N4BP2: variants seen among roughly 807,000 people sequenced by gnomAD.
The protein encoded by N4BP2 is NEDD4-binding protein 2.
A neutral mutation model predicts 152.8 loss-of-function variants in N4BP2; 91 were observed. That is an observed-to-expected ratio of 0.60 (90% CI 0.50 to 0.71). The LOEUF is 0.71. N4BP2 is among the 30% of genes least tolerant of loss of function. The probability of loss-of-function intolerance (pLI) is 0.00; values close to 1 mark genes in which losing one functional copy is unlikely to be tolerated. For synonymous variants in N4BP2, 646 were observed against 705.3 expected, an observed-to-expected ratio of 0.92 and a Z score of 1.33; for missense variants, 1,923 against 2,059.1, an observed-to-expected ratio of 0.93 and a Z score of 1.28.
chr4:40,086,802 T>C (rs901427706), intron 2 of N4BP2, among the ~76,000 whole-genome samples: 10 of 152,096 alleles, frequency 6.6e-5, no homozygotes, highest in African/African-American at 2.4e-4. Context: ...TGCTGGAATG[T>C]AGTGGTGCGA....
the N4BP2 span, among the ~76,000 whole-genome samples, chr4:40,176,415 T>C: frequency 6.6e-6 from 1 of 152,202 alleles, no homozygotes; most frequent in African/African-American, 2.4e-5. Flanking sequence ...AAAAGTAGAT[T>C]CTTAGATTAA....
chr4:40,138,852 T>G lies in N4BP2; in HGVS notation c.4785+1770T>G, dbSNP rs564618307. Among the ~76,000 whole-genome samples, 24 of 152,344 alleles carry G rather than the reference T, an allele frequency of 1.6e-4. No individual in the cohort carries two copies. The East Asian group carries it at 3.1e-3, about 20-fold the overall frequency. On this transcript the variant is annotated intron_variant, in intron 14 of 17. Transcript: ENST00000261435. ...TAGTAAGTTTTGAAATTGGGAAGTG[T>G]GAGTTTTCCAACTATGTTCTATTTA...
At chr4:40,107,535 C>T (rs1219092030) in intron 5 of N4BP2, among the ~76,000 whole-genome samples, 2 of 151,968 alleles carry the variant, frequency 1.3e-5, no homozygotes, top group African/African-American at 2.4e-5. Context: ...AGGTGCATGC[C>T]ACCGCACCTG....
chr4:40,127,117 TG>T (rs1718478304), intron 12 of N4BP2, among the ~76,000 whole-genome samples: 1 of 151,700 alleles, frequency 6.6e-6, no homozygotes, highest in Non-Finnish European at 1.5e-5. Flanking sequence ...TCTCGAGTTC[TG>T]GGGTCAGTGA....
rs1317616960 is a variant in N4BP2 at position 40,121,942 on chromosome 4, C to T, written c.3831C>T (p.Asn1277=). 1 of 1,574,728 alleles carries T rather than the reference C, an allele frequency of 6.4e-7. No homozygotes were observed. Among genetic ancestry groups the T allele is most frequent in the Non-Finnish European group, 8.6e-7 (1 of 1,164,026 alleles). Residue 1277 remains asparagine (N), a synonymous_variant, in exon 9 of 18, where the codon AAC becomes AAT. Transcript: ENST00000261435. ...KNLVVTETGD[N]IHSPSHFSDI... ...TAGTAGTCACAGAGACTGGAGACAA[C>T]ATACATTCTCCTTCACATTTCTCTG... is the stretch of plus-strand genomic sequence containing the variant.
intron 2 of N4BP2, among the ~76,000 whole-genome samples, chr4:40,092,735 C>T (rs1272968030): frequency 6.6e-6 from 1 of 150,894 alleles, no homozygotes; most frequent in African/African-American, 2.4e-5. Context: ...CCTCCACCTA[C>T]TGGGTTCAAA....
intron 3 of N4BP2, among the ~76,000 whole-genome samples, chr4:40,100,896 A>G (rs1042430211): frequency 6.6e-6 from 1 of 152,222 alleles, no homozygotes; most frequent in African/African-American, 2.4e-5. Flanking sequence ...CTCAAATGCT[A>G]TGACTGGTAG....
In N4BP2 at chr4:40,097,362, C is replaced by A. The variant is rs267600151; in HGVS notation, c.22C>A (p.Leu8Ile). The A allele has an allele frequency of 1.9e-6, 3 of 1,613,522 alleles. No homozygotes were observed. The highest frequency in any genetic ancestry group is 1.3e-5 in the African/African-American group (1 of 75,030). The stretch of plus-strand genomic sequence containing the variant: ...CAGAATGCCAAGGAGAAGGAAAAAT[C>A]TTGGGGGAAATCCTTTTCGGAAGAC... MPRRRKNLGGNPFRKTAN... is the reference protein window; with the variant it reads MPRRRKNIGGNPFRKTAN... The change falls in exon 3 of 18, where the codon CTT becomes ATT. Residue 8 changes from leucine to isoleucine, a missense_variant. Coordinates refer to ENST00000261435, the MANE Select transcript of N4BP2 (RefSeq NM_018177.6).
At position 40,088,585 on chromosome 4, in the gene N4BP2, C is replaced by T. The variant is rs372892819; in HGVS notation, c.-114-8642C>T. Among the ~76,000 whole-genome samples, 19 of 151,846 alleles carry T rather than the reference C, an allele frequency of 1.3e-4. 1 individual carries two copies. In the East Asian group the frequency reaches 3.7e-3, roughly 29 times the overall value. On this transcript the variant is annotated intron_variant, in intron 2 of 17. Transcript: ENST00000261435. ...TTGTGATCTCCGCTCACTGCAGCCT[C>T]CGCCTCCCGGGTTCAAGTGATTCTC...
chr4:40,148,738 C>T (rs960281122), intron 16 of N4BP2, among the ~76,000 whole-genome samples: 1 of 152,200 alleles, frequency 6.6e-6, no homozygotes, highest in Non-Finnish European at 1.5e-5. Flanking sequence ...GATCCTCCCA[C>T]CTTGGCCTTC....
At chr4:40,182,522 C>G in the N4BP2 span, among the ~76,000 whole-genome samples, 2 of 152,064 alleles carry the variant, frequency 1.3e-5, no homozygotes, top group Admixed American at 6.6e-5. Flanking sequence ...GGGAACACAG[C>G]TCACTGCAGT....
chr4:40,115,432 G>C (rs141489567), intron 7 of N4BP2, among the ~76,000 whole-genome samples: 259 of 152,308 alleles, frequency 1.7e-3, no homozygotes, highest in African/African-American at 5.8e-3. Flanking sequence ...GGAGGTCGAG[G>C]CTGTGATGAA....
chr4:40,171,519 C>T, the N4BP2 span, among the ~76,000 whole-genome samples: 1 of 152,024 alleles, frequency 6.6e-6, no homozygotes, highest in Non-Finnish European at 1.5e-5. Context: ...AATTATGTTC[C>T]CCCAAAATTC....
Position 40,103,959 on chromosome 4 carries a change from G to A in N4BP2, c.1373+741G>A, listed in dbSNP as rs149756315. Among the ~76,000 whole-genome samples, 371 of 152,028 alleles carry A rather than the reference G, an allele frequency of 2.4e-3. 1 individual carries two copies. The highest frequency in any genetic ancestry group is 6.9e-3 in the African/African-American group (287 of 41,504). ...TTCACCTAATCTATTTTATATGCTA[G>A]TTCTTTTTTTTTTGAGACGGAGTCT... On this transcript the variant is annotated intron_variant, in intron 4 of 17. Coordinates refer to ENST00000261435, the MANE Select transcript of N4BP2 (RefSeq NM_018177.6).
chr4:40,181,114 C>A, the N4BP2 span, among the ~76,000 whole-genome samples: 1 of 152,146 alleles, frequency 6.6e-6, no homozygotes, highest in Non-Finnish European at 1.5e-5. Context: ...CTCGCCATTG[C>A]ACTCCAGCCT....
chr4:40,077,333 A>T (rs1293270061), intron 2 of N4BP2, among the ~76,000 whole-genome samples: 1 of 151,524 alleles, frequency 6.6e-6, no homozygotes, highest in Non-Finnish European at 1.5e-5. Flanking sequence ...TTTTTAGTGG[A>T]GACAGGGTTT....
At chr4:40,079,315 C>T (rs1274241113) in intron 2 of N4BP2, among the ~76,000 whole-genome samples, 1 of 151,588 alleles carries the variant, frequency 6.6e-6, no homozygotes, top group African/African-American at 2.4e-5. Context: ...TAGGCTCTTG[C>T]TGTGTTGCCC....
chr4:40,116,513 TAA>T (rs1408245707), intron 7 of N4BP2, among the ~76,000 whole-genome samples: 1 of 152,228 alleles, frequency 6.6e-6, no homozygotes, highest in Non-Finnish European at 1.5e-5. Context: ...ACTTTAAATC[TAA>T]AGTCAAACCA....
At chr4:40,071,821 C>T (rs960648646) in intron 1 of N4BP2, among the ~76,000 whole-genome samples, 1 of 152,040 alleles carries the variant, frequency 6.6e-6, no homozygotes, top group African/African-American at 2.4e-5. Flanking sequence ...CTGCCTTGGC[C>T]TCCCAAAGTG....
Sources: gnomAD v4.1 joint callset for allele counts (sites outside exome capture counted in the v4.1 genomes callset) on GRCh38, gnomAD v4.1.1 for gene constraint, MANE v1.5 for transcripts, NCBI Gene and HGNC (gene_info 2026-07-23, HGNC 2026-07-21) for gene names.